The following SPAM1 variants were observed in gnomAD, a reference collection of about 807,000 sequenced individuals.
SPAM1 encodes sperm adhesion molecule 1, also known as hyaluronidase PH-20.
A neutral mutation model predicts 29.6 loss-of-function variants in SPAM1; 22 were observed. The observed-to-expected ratio is 0.74, with a 90% CI of 0.53 to 1.06. The LOEUF (loss-of-function observed/expected upper bound fraction) is 1.06. SPAM1 is among the 50% of genes least tolerant of loss of function. The pLI, the probability that SPAM1 is intolerant of heterozygous loss-of-function variation, is 0.00. For missense variants in SPAM1, 534 were observed against 604.0 expected, an observed-to-expected ratio of 0.88 and a Z score of 1.21; for synonymous variants, 194 against 204.6, an observed-to-expected ratio of 0.95 and a Z score of 0.44.
intron 1 of SPAM1, among the ~76,000 whole-genome samples, chr7:123,943,021 C>G (rs1458348198): frequency 6.6e-6 from 1 of 152,090 alleles, no homozygotes; most frequent in African/African-American, 2.4e-5. Flanking sequence ...GAAATATGCT[C>G]CAAATTTTGT....
intron 1 of SPAM1, among the ~76,000 whole-genome samples, chr7:123,946,318 C>A (rs924229354): frequency 3.9e-5 from 6 of 152,144 alleles, no homozygotes; most frequent in Non-Finnish European, 7.3e-5. Flanking sequence ...GGGAGGGAAG[C>A]TTCCAGGCCT....
chr7:123,964,463 A>G (rs1449107867), downstream of SPAM1, among the ~76,000 whole-genome samples: 1 of 151,936 alleles, frequency 6.6e-6, no homozygotes, highest in Admixed American at 6.6e-5. Context: ...AGACTATATC[A>G]TTATAAATAA....
intron 4 of SPAM1, among the ~76,000 whole-genome samples, chr7:123,956,345 T>C (rs1341520845): frequency 2.0e-5 from 3 of 152,068 alleles, no homozygotes; most frequent in African/African-American, 7.2e-5. Flanking sequence ...GATCTATCAT[T>C]ACTTCCCCTT....
At chr7:123,941,638 G>T (rs959904967) in intron 1 of SPAM1, among the ~76,000 whole-genome samples, 2 of 152,174 alleles carry the variant, frequency 1.3e-5, no homozygotes, top group African/African-American at 4.8e-5. Flanking sequence ...TGTGCGGGAG[G>T]TATGTAGCTT....
At chr7:123,962,138 A>T (rs1792367584), downstream of SPAM1, among the ~76,000 whole-genome samples, 1 of 151,980 alleles carries the variant, frequency 6.6e-6, no homozygotes, top group Middle Eastern at 3.2e-3. Flanking sequence ...ACTAATTTAC[A>T]TTCTCACCAA....
chr7:123,961,363 T>C (rs756388476), downstream of SPAM1, among the ~76,000 whole-genome samples: 4 of 152,070 alleles, frequency 2.6e-5, no homozygotes, highest in Middle Eastern at 3.4e-3. Context: ...CAATAATTCC[T>C]CTCTCTGTGA....
At chr7:123,940,789 G>T (rs542485998) in intron 1 of SPAM1, among the ~76,000 whole-genome samples, 2 of 152,106 alleles carry the variant, frequency 1.3e-5, no homozygotes, top group African/African-American at 4.8e-5. Context: ...AGCTATGGTG[G>T]TGCTTGAACC....
chr7:123,964,929 T>C (rs1792403613), downstream of SPAM1, among the ~76,000 whole-genome samples: 2 of 152,046 alleles, frequency 1.3e-5, no homozygotes, highest in Non-Finnish European at 2.9e-5. Flanking sequence ...TTTAGTGATG[T>C]TCTGTTTCCA....
intron 6 of SPAM1, chr7:123,970,348 T>C: frequency 7.3e-7 from 1 of 1,374,730 alleles, no homozygotes; most frequent in African/African-American, 1.5e-5. Context: ...TGACCTTGTT[T>C]CTTCCCCTTA....
chr7:123,964,984 TCAC>T (rs147539984), downstream of SPAM1, among the ~76,000 whole-genome samples: 1,286 of 152,132 alleles, frequency 8.5e-3, 18 homozygotes, highest in African/African-American at 0.029. Context: ...AATCACCACT[TCAC>T]AATTCTTCAT....
intron 1 of SPAM1, among the ~76,000 whole-genome samples, chr7:123,948,152 C>T (rs1450402370): frequency 6.6e-6 from 1 of 152,068 alleles, no homozygotes; most frequent in Admixed American, 6.6e-5. Context: ...TACACAAAAG[C>T]TCCTTTCATT....
chr7:123,970,281 T>C (rs1190613755), exon 6 of SPAM1: 5 of 1,545,822 alleles, frequency 3.2e-6, no homozygotes, highest in Middle Eastern at 1.7e-4. Flanking sequence ...TTCAGGCCTC[T>C]TCCCTTGGCT....
chr7:123,969,481 G>C (rs1225410844), intron 5 of SPAM1, among the ~76,000 whole-genome samples: 1 of 151,900 alleles, frequency 6.6e-6, no homozygotes, highest in East Asian at 1.9e-4. Context: ...GAGAGATAGG[G>C]GTACATTCTC....
At chr7:123,939,345 T>G (rs12670637) in intron 1 of SPAM1, among the ~76,000 whole-genome samples, 3 of 152,036 alleles carry the variant, frequency 2.0e-5, no homozygotes, top group African/African-American at 7.2e-5. Flanking sequence ...TCGGCCTTCC[T>G]AAAGTGCTCG....
chr7:123,950,944 A>C (rs748146929), intron 2 of SPAM1, among the ~76,000 whole-genome samples: 1 of 152,104 alleles, frequency 6.6e-6, no homozygotes, highest in Admixed American at 6.6e-5. Flanking sequence ...TTTTAGTAAT[A>C]GCCATTCTGA....
In SPAM1 at chr7:123,954,477, T is replaced by A. The variant is rs755292470; in HGVS notation, c.907T>A (p.Tyr303Asn). Reference protein sequence around the residue: ...DAKSPLPVFAYTRIVFTDQVL... With the variant: ...DAKSPLPVFANTRIVFTDQVL... ...AAAAAGTCCACTTCCGGTTTTTGCATATACCCGCATAGTTTTTACTGATCA... is the reference window on the plus strand; with the variant it reads ...AAAAAGTCCACTTCCGGTTTTTGCAAATACCCGCATAGTTTTTACTGATCA... Residue 303 changes from tyrosine to asparagine, a missense_variant, in exon 3 of 5, where the codon TAT becomes AAT. Coordinates refer to ENST00000682466, the MANE Select transcript of SPAM1 (RefSeq NM_153189.3). 9.3e-6 allele frequency: 15 copies of A among 1,612,396 alleles called. No individual in the cohort carries two copies. The East Asian group carries it at 1.3e-4, about 14-fold the overall frequency.
At chr7:123,969,773 G>T (rs1262213936) in intron 5 of SPAM1, among the ~76,000 whole-genome samples, 1 of 146,972 alleles carries the variant, frequency 6.8e-6, no homozygotes, top group African/African-American at 2.5e-5. Flanking sequence ...TTGGCTATTT[G>T]GGCTCTTTTT....
At chr7:123,955,478 A>G (rs956858855) in intron 4 of SPAM1, among the ~76,000 whole-genome samples, 1 of 151,892 alleles carries the variant, frequency 6.6e-6, no homozygotes, top group Non-Finnish European at 1.5e-5. Context: ...TCAATAGGAA[A>G]GCTGTTGTAT....
At chr7:123,961,953 A>T (rs986158394), downstream of SPAM1, among the ~76,000 whole-genome samples, 1 of 151,886 alleles carries the variant, frequency 6.6e-6, no homozygotes, top group Non-Finnish European at 1.5e-5. Flanking sequence ...GTAGGGGGGA[A>T]ATCTGTCACC....
Sources: gnomAD v4.1 joint callset for allele counts (sites outside exome capture counted in the v4.1 genomes callset) on GRCh38, gnomAD v4.1.1 for gene constraint, MANE v1.5 for transcripts, NCBI Gene and HGNC (gene_info 2026-07-23, HGNC 2026-07-21) for gene names.